NECTIN2: variants seen among roughly 807,000 people sequenced by gnomAD.
NECTIN2 encodes the protein nectin-2.
In NECTIN2, 23 loss-of-function variants were observed where a neutral mutation model predicts 56.9. That is an observed-to-expected ratio of 0.40 (90% CI 0.29 to 0.57). NECTIN2 has a LOEUF of 0.57. NECTIN2 is among the 20% of genes least tolerant of loss of function. The pLI, the probability that NECTIN2 is intolerant of heterozygous loss-of-function variation, is 0.38. For synonymous variants in NECTIN2, 302 were observed against 313.8 expected (o/e 0.96, Z 0.40); for missense variants, 587 against 718.3 (o/e 0.82, Z 2.09).
rs986335794 is a variant in NECTIN2, at chr19:44,855,791, C to G, written c.88+9178C>G. Among the ~76,000 whole-genome samples the G allele has an allele frequency of 7.2e-5, 11 of 152,318 alleles. No individual in the cohort carries two copies. The East Asian group carries it at 1.9e-3, about 27-fold the overall frequency. The stretch of plus-strand genomic sequence containing the variant: ...CTGAGCACCTACTACATGCTAGGCC[C>G]TGTTGTAGGTGCTGGGGATACAGTA... On this transcript the variant is annotated intron_variant, in intron 1 of 8. Transcript: ENST00000252483.
intron 5 of NECTIN2, chr19:44,879,004 G>C: frequency 1.2e-6 from 1 of 830,054 alleles, no homozygotes; most frequent in South Asian, 5.0e-5. Flanking sequence ...GGTGGGACAG[G>C]GACTCCTAGG....
At chr19:44,870,218 G>T (rs1969156524) in intron 2 of NECTIN2, among the ~76,000 whole-genome samples, 1 of 152,182 alleles carries the variant, frequency 6.6e-6, no homozygotes, top group Non-Finnish European at 1.5e-5. Context: ...GGAGGGCGTG[G>T]ATGGGGAGCA....
intron 2 of NECTIN2, among the ~76,000 whole-genome samples, chr19:44,870,473 A>C (rs1377035505): frequency 6.6e-6 from 1 of 152,126 alleles, no homozygotes; most frequent in African/African-American, 2.4e-5. Flanking sequence ...TGGGTGGGGG[A>C]CACACATCAT....
intron 1 of NECTIN2, among the ~76,000 whole-genome samples, chr19:44,848,072 C>G (rs1430615111): frequency 2.6e-4 from 39 of 152,192 alleles, no homozygotes; most frequent in Admixed American, 2.5e-3. Context: ...TCAGGGGGAT[C>G]TTGGGGGAAC....
chr19:44,855,023 CAGG>C (rs2122636414), intron 1 of NECTIN2, among the ~76,000 whole-genome samples: 1 of 150,124 alleles, frequency 6.7e-6, no homozygotes, highest in South Asian at 2.1e-4. Flanking sequence ...GAGGCTGAGG[CAGG>C]AGAATGGGGT....
chr19:44,877,693 C>G (rs1969255498), intron 5 of NECTIN2, among the ~76,000 whole-genome samples: 1 of 152,234 alleles, frequency 6.6e-6, no homozygotes, highest in Admixed American at 6.5e-5. Flanking sequence ...GTGTGGCCCC[C>G]AAGCTCATAG....
At chr19:44,856,928 G>A (rs1173147180) in intron 1 of NECTIN2, among the ~76,000 whole-genome samples, 1 of 152,190 alleles carries the variant, frequency 6.6e-6, no homozygotes, top group Non-Finnish European at 1.5e-5. Context: ...GCAGCAGGCG[G>A]CTGACCCCTG....
At chr19:44,876,612 G>A (rs1282108080) in intron 5 of NECTIN2, among the ~76,000 whole-genome samples, 1 of 152,108 alleles carries the variant, frequency 6.6e-6, no homozygotes, top group Non-Finnish European at 1.5e-5. Context: ...CTCTCAGAGG[G>A]TCTCTGAGCC....
intron 1 of NECTIN2, among the ~76,000 whole-genome samples, chr19:44,861,205 GTA>G (rs2122652080): frequency 6.6e-6 from 1 of 152,328 alleles, no homozygotes; most frequent in African/African-American, 2.4e-5. Context: ...TGATGGGAAT[GTA>G]AATTAGTACA....
intron 6 of NECTIN2, 147 bp from the exon 7 acceptor site, chr19:44,885,790 T>C (rs1969354240): frequency 2.9e-6 from 2 of 688,370 alleles, no homozygotes; most frequent in African/African-American, 3.6e-5. Flanking sequence ...GAGGAATTCA[T>C]GGAATGAATA....
chr19:44,885,030 C>CT (rs1691487759), intron 6 of NECTIN2, among the ~76,000 whole-genome samples: 1 of 150,974 alleles, frequency 6.6e-6, no homozygotes, highest in Non-Finnish European at 1.5e-5. Context: ...GAGTTTCGCT[C>CT]TTTTTTCCCA....
In NECTIN2 at chr19:44,846,299, G is replaced by T. The variant is rs1968831512; in HGVS notation, c.-227G>T. The stretch of plus-strand genomic sequence containing the variant: ...CGGGGGAGCAGCGGGTGGATCCTGT[G>T]ACGTCAGCGGGTTCGAACCGCCGGA... On this transcript the variant is annotated 5_prime_UTR_variant, in exon 1 of 9. Coordinates refer to ENST00000252483, the MANE Select transcript of NECTIN2 (RefSeq NM_001042724.2). The T allele has an allele frequency of 4.4e-6, 2 of 456,734 alleles. No individual in the cohort carries two copies. The highest frequency in any genetic ancestry group is 2.1e-5 in the African/African-American group (1 of 48,282). 28.3% of individuals were successfully genotyped at this position (456,734 alleles called of 1,614,324 possible). A position where few individuals can be genotyped will look rare whatever the true frequency, so the allele number is the denominator to read the frequency against.
At position 44,875,969 on chromosome 19, in the gene NECTIN2, A is replaced by G. The variant is rs987476589; in HGVS notation, c.1042+1491A>G. 1.3e-5 allele frequency among the ~76,000 whole-genome samples: 2 copies of G among 152,174 alleles called. No individual in the cohort carries two copies. Among genetic ancestry groups the G allele is most frequent in the Non-Finnish European group, 2.9e-5 (2 of 68,030 alleles). ...GACGTCACACAGACACGCTGGGGGC[A>G]AAACTAATCCAGGACAGCAACGGCT... is the stretch of plus-strand genomic sequence containing the variant. On this transcript the variant is annotated intron_variant, in intron 5 of 8. Coordinates refer to ENST00000252483, the MANE Select transcript of NECTIN2 (RefSeq NM_001042724.2). The surrounding 1 kb of genome is among the most constrained non-coding windows in gnomAD (Gnocchi z 4.2).
chr19:44,882,144 G>A, intron 5 of NECTIN2, 67 bp from the exon 6 acceptor site: 1 of 1,320,934 alleles, frequency 7.6e-7, no homozygotes, highest in Non-Finnish European at 9.8e-7. Context: ...GGGGTGGGAT[G>A]GTCGCTTGGA....
In NECTIN2 at chr19:44,872,057, C is replaced by T. The variant is rs141485124; in HGVS notation, c.683C>T (p.Ser228Leu). 10 of 1,614,180 alleles carry T rather than the reference C, an allele frequency of 6.2e-6. No homozygotes were observed. The highest frequency in any genetic ancestry group is 5.5e-5 in the South Asian group (5 of 91,082). The stretch of plus-strand genomic sequence containing the variant: ...ACCAGCCGCTTCACCTTGGTGCCCT[C>T]GGGCCGAGCAGATGGTGTCACGGTC... ...TVTSRFTLVP[S>L]GRADGVTVTC... The change falls in exon 3 of 9, where the codon TCG becomes TTG. Residue 228 changes from serine (S) to leucine (L), a missense_variant. Coordinates refer to ENST00000252483, the MANE Select transcript of NECTIN2 (RefSeq NM_001042724.2).
Position 44,857,438 on chromosome 19 carries a change from A to G in NECTIN2, c.89-7833A>G, listed in dbSNP as rs139397352. 7.6e-3 allele frequency among the ~76,000 whole-genome samples: 1,135 copies of G among 150,280 alleles called. 10 individuals carry two copies. Among genetic ancestry groups the G allele is most frequent in the Non-Finnish European group, 0.013 (848 of 67,568 alleles). On this transcript the variant is annotated intron_variant, in intron 1 of 8. Coordinates refer to ENST00000252483, the MANE Select transcript of NECTIN2 (RefSeq NM_001042724.2). ...TTTTTTTGAGACGGAGTCTTGCTCT[A>G]TTGCCCAGGCTGGAGTGTAGTGGCA...
chr19:44,864,012 T>TCCCCC (rs1555786362), intron 1 of NECTIN2, among the ~76,000 whole-genome samples: 54 of 146,594 alleles, frequency 3.7e-4, no homozygotes, highest in East Asian at 1.5e-3. Context: ...TTCAGAGGAT[T>TCCCCC]CCCCCCCCCC....
chr19:44,862,439 G>A (rs1969043276), intron 1 of NECTIN2, among the ~76,000 whole-genome samples: 1 of 145,686 alleles, frequency 6.9e-6, no homozygotes, highest in African/African-American at 2.5e-5. Context: ...AAAGAAAAAA[G>A]AAACCTGCAC....
At chr19:44,884,748 G>C (rs1249377368) in intron 6 of NECTIN2, among the ~76,000 whole-genome samples, 2 of 152,208 alleles carry the variant, frequency 1.3e-5, no homozygotes, top group East Asian at 1.9e-4. Context: ...TGGATGGTCA[G>C]GTAGGGCTTC....
Sources: allele counts gnomAD v4.1 joint callset (sites outside exome capture counted in the v4.1 genomes callset), GRCh38; gene constraint gnomAD v4.1.1; non-coding constraint Gnocchi (gnomAD v3.1); transcripts MANE v1.5; gene names NCBI Gene and HGNC (gene_info 2026-07-23, HGNC 2026-07-21).